The following NPAS1 variants were observed in gnomAD, a reference collection of about 807,000 sequenced individuals.
NPAS1 encodes the protein neuronal PAS domain protein 1.
A neutral mutation model predicts 49.2 loss-of-function variants in NPAS1; 29 were observed. The ratio of observed to expected loss-of-function variants is 0.59; its 90% CI spans 0.44 to 0.80. The LOEUF is 0.80. NPAS1 is among the 30% of genes least tolerant of loss of function. NPAS1 has a pLI of 0.00. For synonymous variants in NPAS1, 408 were observed against 380.4 expected, an observed-to-expected ratio of 1.07 and a Z score of -0.84; for missense variants, 825 against 835.5, an observed-to-expected ratio of 0.99 and a Z score of 0.15.
Position 47,021,750 on chromosome 19 carries a change from C to A in NPAS1, c.261C>A (p.Ile87=), listed in dbSNP as rs2056843259. The change falls in exon 3 of 12, where the codon ATC becomes ATA. Residue 87 remains isoleucine (I), a synonymous_variant. Coordinates refer to ENST00000602212, the MANE Select transcript of NPAS1 (RefSeq NM_002517.4). The surrounding 1 kb of genome is among the most constrained non-coding windows in gnomAD (Gnocchi z 5.7). The part of the protein sequence containing the change: ...AISSQLDKAS[I]VRLSVTYLRL... ...CCAGCCAGCTGGACAAGGCTTCCAT[C>A]GTGCGCCTCAGCGTCACCTACCTCC... 1.3e-6 allele frequency: 2 copies of A among 1,544,164 alleles called. No individual in the cohort carries two copies. The highest frequency in any genetic ancestry group is 1.7e-6 in the Non-Finnish European group (2 of 1,145,076).
intron 3 of NPAS1, among the ~76,000 whole-genome samples, chr19:47,031,647 C>G (rs1200930073): frequency 6.6e-6 from 1 of 151,826 alleles, no homozygotes; most frequent in East Asian, 1.9e-4. Context: ...TCTCCTGCCT[C>G]AACCTCCCGA....
At chr19:47,035,370 G>A (rs76212998) in intron 5 of NPAS1, 9,004 of 152,574 alleles carry the variant, frequency 0.059, 358 homozygotes, top group South Asian at 0.16. Flanking sequence ...TAAGTAACTT[G>A]CAGAGGCATC....
At chr19:47,028,588 T>C (rs2056888202) in intron 3 of NPAS1, among the ~76,000 whole-genome samples, 2 of 152,248 alleles carry the variant, frequency 1.3e-5, no homozygotes, top group Admixed American at 1.3e-4. Context: ...GTGGACTGAA[T>C]GCGTAACCAG....
chr19:47,026,434 A>C (rs12983328), intron 3 of NPAS1, among the ~76,000 whole-genome samples: 1 of 152,148 alleles, frequency 6.6e-6, no homozygotes, highest in African/African-American at 2.4e-5. Context: ...GGAGCCACAG[A>C]GGTGGTGAGG....
chr19:47,021,019 C>T lies in NPAS1; in HGVS notation c.-29C>T, dbSNP rs1000091127. On this transcript the variant is annotated 5_prime_UTR_variant, in exon 2 of 12. Transcript: ENST00000602212. This position sits in a 1 kb window ranked among gnomAD's most constrained non-coding sequence, Gnocchi z 5.7. ...CTCCCGCTGCAGGAGACTCGGGGCTCGGAGCCCGCCTGAGCGAGCCCCCCG... is the reference window on the plus strand; with the variant it reads ...CTCCCGCTGCAGGAGACTCGGGGCTTGGAGCCCGCCTGAGCGAGCCCCCCG... The T allele has an allele frequency of 3.2e-6, 5 of 1,577,482 alleles. No individual in the cohort carries two copies. The African/African-American group carries it at 6.8e-5, about 22-fold the overall frequency.
intron 10 of NPAS1, among the ~76,000 whole-genome samples, 167 bp downstream of exon 10, chr19:47,041,292 G>T (rs2057018851): frequency 6.6e-6 from 1 of 152,104 alleles, no homozygotes; most frequent in South Asian, 2.1e-4. Flanking sequence ...GCCCAGAGTG[G>T]AACGGTCTTG....
Position 47,039,464 on chromosome 19 carries a change from C to G in NPAS1, c.862C>G (p.His288Asp). The change falls in exon 8 of 12, where the codon CAC (histidine) becomes GAC (aspartate). Residue 288 changes from histidine to aspartate, a missense_variant. His to Asp is a moderately conservative substitution (Grantham distance 81). Coordinates refer to ENST00000602212, the MANE Select transcript of NPAS1 (RefSeq NM_002517.4). ...CGCCCTGGGCCTTGTGGCCCTCGGG[C>G]ACACGTTGCCCCCGGCCCCCCTGGC... ...AHALGLVALG[H>D]TLPPAPLAEL... The G allele has an allele frequency of 6.2e-7, 1 of 1,611,286 alleles. No homozygotes were observed. Among genetic ancestry groups the G allele is most frequent in the Non-Finnish European group, 8.5e-7 (1 of 1,179,374 alleles).
chr19:47,036,341 A>AC (rs923410640), intron 6 of NPAS1, among the ~76,000 whole-genome samples: 11 of 152,140 alleles, frequency 7.2e-5, no homozygotes, highest in South Asian at 4.2e-4. Flanking sequence ...CTACAGAAAG[A>AC]CCCCCCTGGC....
chr19:47,029,776 C>T (rs1289326685), intron 3 of NPAS1, among the ~76,000 whole-genome samples: 5 of 152,200 alleles, frequency 3.3e-5, no homozygotes, highest in African/African-American at 1.2e-4. Context: ...AAGTATGCTG[C>T]TATGAACACG....
At chr19:47,041,942 T>A (rs1041843971) in intron 10 of NPAS1, among the ~76,000 whole-genome samples, 2 of 143,580 alleles carry the variant, frequency 1.4e-5, no homozygotes, top group Non-Finnish European at 3.0e-5. Flanking sequence ...ATCGTGCCAC[T>A]GCTCTCCAGC....
rs770851099 is a variant in NPAS1, at chr19:47,041,105, T to C, written c.1197T>C (p.Leu399=). 5 of 1,593,342 alleles carry C rather than the reference T, an allele frequency of 3.1e-6. No homozygotes were observed. In the African/African-American group the frequency reaches 5.4e-5, roughly 17 times the overall value. The change falls in exon 10 of 12, where the codon CTT becomes CTC. Residue 399 remains leucine (L), a synonymous_variant. Coordinates refer to ENST00000602212, the MANE Select transcript of NPAS1 (RefSeq NM_002517.4). ...AGAGCCCCGGGGAGCACCATGTGCT[T>C]TGGGTCAGCCACGTGCTCAGGTGAG... ...SGKSPGEHHV[L]WVSHVLSQAE...
At chr19:47,040,738 T>G (rs915931760) in intron 9 of NPAS1, 188 bp downstream of exon 9, 217 of 498,780 alleles carry the variant, frequency 4.4e-4, no homozygotes, top group South Asian at 1.4e-3. Context: ...GATGTGTGTG[T>G]GGGGGGGGGG....
At chr19:47,020,173 G>T (rs1345809954) in intron 1 of NPAS1, among the ~76,000 whole-genome samples, 176 bp downstream of exon 1, 2 of 151,708 alleles carry the variant, frequency 1.3e-5, no homozygotes, top group African/African-American at 2.4e-5. Context: ...ACCTGGACAC[G>T]GGGGTCTGGG....
Position 47,021,220 on chromosome 19 carries a change from C to G in NPAS1, c.122+51C>G. ...CGCGGGCCCCCCCCCGGGTCCAATT[C>G]ACACCCGATGTTCTGTCCCCGTGCC... is the stretch of plus-strand genomic sequence containing the variant. On this transcript the variant is annotated intron_variant, in intron 2 of 11. Transcript: ENST00000602212. This position sits in a 1 kb window ranked among gnomAD's most constrained non-coding sequence, Gnocchi z 5.7. The G allele has an allele frequency of 6.9e-7, 1 of 1,446,278 alleles. No individual in the cohort carries two copies. The highest frequency in any genetic ancestry group is 9.2e-7 in the Non-Finnish European group (1 of 1,083,208). 89.6% of individuals were successfully genotyped at this position (1,446,278 alleles called of 1,614,324 possible).
Position 47,032,649 on chromosome 19 carries a change from G to T in NPAS1, c.439G>T (p.Asp147Tyr). 1 of 1,614,042 alleles carries T rather than the reference G, an allele frequency of 6.2e-7. No individual in the cohort carries two copies. Residue 147 changes from aspartate to tyrosine, a missense_variant, in exon 5 of 12, where the codon GAT (aspartate) becomes TAT (tyrosine). Physicochemically the swap from Asp to Tyr is radical, Grantham distance 160. Coordinates refer to ENST00000602212, the MANE Select transcript of NPAS1 (RefSeq NM_002517.4). ...CTGTCTCTCCCGGCTCTAGTCCCTG[G>T]ATGGCTTTGTGTTCGCCTTGAACCA... The part of the protein sequence containing the change: ...HLGGHILQSL[D>Y]GFVFALNQEG...
intron 5 of NPAS1, chr19:47,035,714 C>T: frequency 2.2e-6 from 1 of 444,664 alleles, no homozygotes; most frequent in Non-Finnish European, 3.9e-6. Context: ...CCCACTCCCA[C>T]ACACAGCCCC....
intron 3 of NPAS1, among the ~76,000 whole-genome samples, chr19:47,026,690 C>T (rs1001552818): frequency 5.9e-5 from 9 of 152,094 alleles, no homozygotes; most frequent in East Asian, 1.9e-4. Context: ...GGCGGTGGCT[C>T]ACACCTGTAA....
chr19:47,022,441 T>A (rs1057374650), intron 3 of NPAS1, among the ~76,000 whole-genome samples: 1 of 152,078 alleles, frequency 6.6e-6, no homozygotes, highest in Non-Finnish European at 1.5e-5. Flanking sequence ...TAATGTGAAG[T>A]GGGAAAAAAC....
chr19:47,022,576 G>A (rs1158786481), intron 3 of NPAS1, among the ~76,000 whole-genome samples: 2 of 151,742 alleles, frequency 1.3e-5, no homozygotes, highest in East Asian at 3.9e-4. Context: ...CAGTAACCTT[G>A]CAGGGCTGCT....
Sources: gnomAD v4.1 joint callset for allele counts (sites outside exome capture counted in the v4.1 genomes callset) on GRCh38, gnomAD v4.1.1 for gene constraint, Gnocchi (gnomAD v3.1) non-coding constraint, MANE v1.5 for transcripts, NCBI Gene and HGNC (gene_info 2026-07-23, HGNC 2026-07-21) for gene names.